HTR2C: variants seen among roughly 807,000 people sequenced by gnomAD.
The protein encoded by HTR2C is 5-hydroxytryptamine receptor 2C.
In HTR2C, 5 loss-of-function variants were observed where a neutral mutation model predicts 21.0. The observed-to-expected ratio is 0.24, with a 90% CI of 0.12 to 0.50. HTR2C has a LOEUF of 0.50. Ranked by LOEUF, HTR2C falls within the 20% of genes least tolerant of loss-of-function variation. The probability of loss-of-function intolerance (pLI) is 0.98; values close to 1 mark genes in which losing one functional copy is unlikely to be tolerated. For synonymous variants in HTR2C, 150 were observed against 145.3 expected (o/e 1.03, Z -0.23); for missense variants, 271 against 371.2 (o/e 0.73, Z 2.22).
At chrX:114,815,175 G>T (rs1005135231) in intron 4 of HTR2C, among the ~76,000 whole-genome samples, 1 of 108,764 alleles carries the variant, frequency 9.2e-6, no homozygotes, top group African/African-American at 3.3e-5. Context: ...GCTTTTACTT[G>T]TCAGCATCTC....
intron 2 of HTR2C, among the ~76,000 whole-genome samples, chrX:114,614,512 G>A (rs1004800072): frequency 1.5e-4 from 17 of 110,578 alleles, no homozygotes; most frequent in African/African-American, 5.6e-4. Context: ...CGCCCACCTC[G>A]ACCTCCCAAA....
At chrX:114,602,836 G>A (rs1345300098) in intron 1 of HTR2C, among the ~76,000 whole-genome samples, 1 of 95,312 alleles carries the variant, frequency 1.0e-5, no homozygotes, top group Admixed American at 1.2e-4. Flanking sequence ...GCAAATCCTC[G>A]AGCTTGATGT....
chrX:114,644,470 T>C (rs1313805700), intron 2 of HTR2C, among the ~76,000 whole-genome samples: 1 of 97,466 alleles, frequency 1.0e-5, no homozygotes. Flanking sequence ...TGGGAAATTA[T>C]TTAATGAGCT....
At chrX:114,855,464 G>A (rs1401262772) in intron 5 of HTR2C, among the ~76,000 whole-genome samples, 2 of 110,583 alleles carry the variant, frequency 1.8e-5, no homozygotes. Flanking sequence ...TTAAGATATT[G>A]GGAAAGTTCA....
chrX:114,897,630 G>A (rs781879057), intron 5 of HTR2C, among the ~76,000 whole-genome samples: 1 of 111,743 alleles, frequency 8.9e-6, no homozygotes, highest in Admixed American at 9.5e-5. Context: ...TGATTCAGCT[G>A]CCACTTCTAA....
chrX:114,590,958 T>G (rs1927603743), intron 1 of HTR2C, among the ~76,000 whole-genome samples: 1 of 112,212 alleles, frequency 8.9e-6, no homozygotes, highest in Non-Finnish European at 1.9e-5. Flanking sequence ...AAATAGCAAT[T>G]CCTAAATGCC....
intron 4 of HTR2C, among the ~76,000 whole-genome samples, chrX:114,819,954 A>T (rs1044451573): frequency 5.4e-5 from 6 of 111,230 alleles, no homozygotes; most frequent in Non-Finnish European, 9.4e-5. Flanking sequence ...CTAATATCTT[A>T]TTGTCACATA....
intron 2 of HTR2C, among the ~76,000 whole-genome samples, chrX:114,636,143 A>C (rs1258976147): frequency 1.3e-4 from 14 of 107,673 alleles, no homozygotes; most frequent in African/African-American, 3.7e-4. Flanking sequence ...GATCTAAAGA[A>C]TCTTGCTCTT....
intron 5 of HTR2C, among the ~76,000 whole-genome samples, chrX:114,880,384 C>CT (rs2147518515): frequency 9.1e-6 from 1 of 110,461 alleles, no homozygotes; most frequent in South Asian, 3.7e-4. Context: ...ATTGAATTCG[C>CT]TTTTTCCTTT....
chrX:114,704,806 C>T (rs1286766558), intron 2 of HTR2C, among the ~76,000 whole-genome samples: 95 of 108,878 alleles, frequency 8.7e-4, no homozygotes, highest in African/African-American at 3.0e-3. Flanking sequence ...ATTTAGAAAA[C>T]CCCATTGTCT....
intron 4 of HTR2C, among the ~76,000 whole-genome samples, chrX:114,837,768 TTA>T (rs1385455058): frequency 1.8e-5 from 2 of 111,218 alleles, no homozygotes; most frequent in Non-Finnish European, 3.8e-5. Context: ...ACAAGTTAGT[TTA>T]TACTCTTATC....
chrX:114,686,184 A>T (rs1443323008), intron 2 of HTR2C, among the ~76,000 whole-genome samples: 1 of 111,702 alleles, frequency 9.0e-6, no homozygotes, highest in African/African-American at 3.2e-5. Context: ...TTACCAGATT[A>T]TAATATGAAA....
intron 5 of HTR2C, among the ~76,000 whole-genome samples, chrX:114,893,751 TAAA>T (rs1224720400): frequency 9.0e-6 from 1 of 110,499 alleles, no homozygotes; most frequent in Non-Finnish European, 1.9e-5. Flanking sequence ...ATTAAGGAAA[TAAA>T]AAAGACAAGC....
chrX:114,733,806 C>T (rs2069561140), intron 4 of HTR2C, among the ~76,000 whole-genome samples: 1 of 110,958 alleles, frequency 9.0e-6, no homozygotes, highest in Non-Finnish European at 1.9e-5. Flanking sequence ...AAGCTACCTA[C>T]AAACTGTCAG....
At position 114,806,391 on chromosome X, in the gene HTR2C, TA is replaced by T. The variant is rs2070436766; in HGVS notation, c.350-41611del. ...CGTATATATACACACCATATATATA[TA>T]CTGTATATATATACACCATATATAT... On this transcript the variant is annotated intron_variant, in intron 4 of 5. Coordinates refer to ENST00000276198, the MANE Select transcript of HTR2C (RefSeq NM_000868.4). Among the ~76,000 whole-genome samples the T allele has an allele frequency of 9.3e-4, 13 of 13,991 alleles. 1 individual carries two copies. The highest frequency in any genetic ancestry group is 1.6e-3 in the Non-Finnish European group (11 of 6,974). 12.1% of individuals were successfully genotyped at this position (13,991 alleles called of 115,157 possible). A position where few individuals can be genotyped will look rare whatever the true frequency, so the allele number is the denominator to read the frequency against.
At chrX:114,894,402 T>A (rs1344336309) in intron 5 of HTR2C, among the ~76,000 whole-genome samples, 1 of 111,471 alleles carries the variant, frequency 9.0e-6, no homozygotes, top group Non-Finnish European at 1.9e-5. Context: ...TCCAGATATT[T>A]AAGTGTAGAT....
At chrX:114,821,649 A>T (rs2147459737) in intron 4 of HTR2C, among the ~76,000 whole-genome samples, 1 of 111,455 alleles carries the variant, frequency 9.0e-6, no homozygotes, top group Non-Finnish European at 1.9e-5. Context: ...TGTATATTTA[A>T]TTTTAAAGAA....
rs782215205 is a variant in HTR2C, at chrX:114,807,141, A to C, written c.350-40862A>C. Among the ~76,000 whole-genome samples the C allele has an allele frequency of 5.7e-4, 6 of 10,439 alleles. 1 individual carries two copies. Among genetic ancestry groups the C allele is most frequent in the Admixed American group, 1.8e-3 (1 of 561 alleles). The allele number at this position is 10,439 out of a possible 115,157, so 9.1% of individuals were successfully genotyped here. On this transcript the variant is annotated intron_variant, in intron 4 of 5. Transcript: ENST00000276198. ...TATACCATATATACACCATATATAT[A>C]CCATATATACACCATATATATACCC...
rs963528280 is a variant in HTR2C at position 114,602,630 on chromosome X, A to G, written c.-146-11185A>G. Among the ~76,000 whole-genome samples, 52 of 79,118 alleles carry G rather than the reference A, an allele frequency of 6.6e-4. 3 individuals are homozygous for G. The highest frequency in any genetic ancestry group is 2.5e-3 in the African/African-American group (52 of 20,603). 68.7% of individuals were successfully genotyped at this position (79,118 alleles called of 115,157 possible). A position where few individuals can be genotyped will look rare whatever the true frequency, so the allele number is the denominator to read the frequency against. ...TGACTAATAAAACTCATCTGTTATC[A>G]GACTGTATTGAGGTGGGAAAGCTAA... On this transcript the variant is annotated intron_variant, in intron 1 of 5. Transcript: ENST00000276198.
Sources: gnomAD v4.1 joint callset for allele counts (sites outside exome capture counted in the v4.1 genomes callset) on GRCh38, gnomAD v4.1.1 for gene constraint, MANE v1.5 for transcripts, NCBI Gene and HGNC (gene_info 2026-07-23, HGNC 2026-07-21) for gene names.